Variants in SMS observed in about 807,000 individuals in gnomAD.
SMS encodes the protein spermine synthase, also known as spermidine aminopropyltransferase.
SMS carries 3 observed loss-of-function variants against 33.0 expected under a neutral mutation model. The ratio of observed to expected loss-of-function variants is 0.09; its 90% CI spans 0.04 to 0.23. The LOEUF is 0.23. Among genes scored for constraint, SMS ranks in the 10% least tolerant of loss-of-function variants. SMS has a pLI of 1.00. For missense variants in SMS, 117 were observed against 288.6 expected, an observed-to-expected ratio of 0.41 and a Z score of 4.31; for synonymous variants, 103 against 112.2, an observed-to-expected ratio of 0.92 and a Z score of 0.52.
chrX:21,954,541 T>C (rs1208008959), intron 1 of SMS, among the ~76,000 whole-genome samples: 2 of 112,049 alleles, frequency 1.8e-5, no homozygotes, highest in East Asian at 5.6e-4. Flanking sequence ...TTGACTTGTG[T>C]CCTCTGTCTT....
At chrX:21,954,917 A>AC (rs1243765324) in intron 1 of SMS, among the ~76,000 whole-genome samples, 5 of 110,414 alleles carry the variant, frequency 4.5e-5, no homozygotes, top group African/African-American at 1.7e-4. Context: ...GCTCACGGCA[A>AC]CCCCTGCCTT....
At chrX:21,957,576 G>A (rs1163416089) in intron 1 of SMS, among the ~76,000 whole-genome samples, 1 of 111,932 alleles carries the variant, frequency 8.9e-6, no homozygotes, top group Non-Finnish European at 1.9e-5. Flanking sequence ...GTGAGCCACC[G>A]TGCCCGGCCT....
intron 9 of SMS, among the ~76,000 whole-genome samples, chrX:21,986,462 G>A (rs189399556): frequency 6.5e-4 from 71 of 109,811 alleles, no homozygotes; most frequent in African/African-American, 2.3e-3. Flanking sequence ...TGGAATCTGA[G>A]ATTACTAATG....
chrX:21,955,781 C>T (rs1216633062), intron 1 of SMS, among the ~76,000 whole-genome samples: 1 of 111,926 alleles, frequency 8.9e-6, no homozygotes, highest in Non-Finnish European at 1.9e-5. Flanking sequence ...TTGCATGATT[C>T]CTTTCAGGAG....
chrX:21,956,388 A>G (rs989707804), intron 1 of SMS, among the ~76,000 whole-genome samples: 25 of 112,476 alleles, frequency 2.2e-4, no homozygotes, highest in African/African-American at 8.1e-4. Context: ...GGCTCAAGCA[A>G]TTCTCCTGCC....
intron 10 of SMS, among the ~76,000 whole-genome samples, chrX:21,993,455 G>A (rs938453250): frequency 5.3e-5 from 6 of 112,733 alleles, no homozygotes; most frequent in African/African-American, 1.9e-4. Context: ...GTCTGCAGAT[G>A]ACGGCTTCCT....
intron 1 of SMS, among the ~76,000 whole-genome samples, chrX:21,953,289 C>T (rs1279403767): frequency 9.9e-6 from 1 of 100,941 alleles, no homozygotes; most frequent in African/African-American, 3.8e-5. Flanking sequence ...TTAAGCATTT[C>T]GTGGGGGCAG....
chrX:21,967,145 C>T (rs1426059838), intron 1 of SMS, 51 bp from the exon 2 acceptor site: 1 of 1,196,356 alleles, frequency 8.4e-7, no homozygotes, highest in Admixed American at 2.2e-5. Context: ...ATTGGCCTTC[C>T]TTCTGAACGT....
At chrX:21,987,562 ATCC>A (rs1025560456) in intron 9 of SMS, among the ~76,000 whole-genome samples, 4 of 112,582 alleles carry the variant, frequency 3.6e-5, no homozygotes, top group Non-Finnish European at 5.6e-5. Context: ...GATTCGAGTA[ATCC>A]TCCTCCATCA....
At chrX:21,982,042 C>G (rs1208693589) in intron 7 of SMS, among the ~76,000 whole-genome samples, 2 of 110,427 alleles carry the variant, frequency 1.8e-5, no homozygotes, top group African/African-American at 3.3e-5. Flanking sequence ...GTAAAAAGTA[C>G]CACAAGACAG....
At chrX:21,967,454 T>C in intron 2 of SMS, 138 bp downstream of exon 2, 1 of 643,375 alleles carries the variant, frequency 1.6e-6, no homozygotes, top group South Asian at 2.4e-5. Flanking sequence ...ACTTGGTGCT[T>C]CTCAACCGTA....
chrX:21,991,391 C>T (rs1925751233), intron 9 of SMS, among the ~76,000 whole-genome samples: 1 of 110,814 alleles, frequency 9.0e-6, no homozygotes, highest in African/African-American at 3.3e-5. Context: ...GTTGGCCAGG[C>T]CGGTCTCAAA....
At chrX:21,986,347 CAAAAAAAAAAAAA>C (rs57792709) in intron 9 of SMS, among the ~76,000 whole-genome samples, 2 of 33,233 alleles carry the variant, frequency 6.0e-5, no homozygotes, top group East Asian at 1.2e-3. Context: ...GACTACATCT[CAAAAAAAAAAAAA>C]AAAAAAAAAA....
chrX:21,977,826 A>G, intron 5 of SMS, 134 bp from the exon 6 acceptor site: 2 of 653,584 alleles, frequency 3.1e-6, no homozygotes, highest in Non-Finnish European at 5.1e-6. Flanking sequence ...AAGCTTGCAA[A>G]TTGTTCACAG....
At chrX:21,940,917 C>T in intron 1 of SMS, 44 bp downstream of exon 1, 1 of 958,023 alleles carries the variant, frequency 1.0e-6, no homozygotes, top group Non-Finnish European at 1.4e-6. Flanking sequence ...CCCGCCGCTC[C>T]CGCCGCCTGG....
At chrX:21,945,912 C>T (rs761742933) in intron 1 of SMS, among the ~76,000 whole-genome samples, 2 of 111,193 alleles carry the variant, frequency 1.8e-5, no homozygotes, top group African/African-American at 3.3e-5. Context: ...TGTGAGCCAC[C>T]GCGCCCAGCT....
At chrX:21,943,136 C>G (rs905985785) in intron 1 of SMS, among the ~76,000 whole-genome samples, 5 of 111,902 alleles carry the variant, frequency 4.5e-5, no homozygotes, top group African/African-American at 1.6e-4. Context: ...CATGAGCCAC[C>G]GTGCCGGTGT....
intron 1 of SMS, among the ~76,000 whole-genome samples, chrX:21,947,925 ATATTT>A (rs1414057502): frequency 9.0e-6 from 1 of 111,594 alleles, no homozygotes; most frequent in African/African-American, 3.3e-5. Context: ...GTGTTTGAAA[ATATTT>A]TATGGGCTGC....
chrX:21,988,997 T>C (rs1281501656), intron 9 of SMS, among the ~76,000 whole-genome samples: 2 of 111,076 alleles, frequency 1.8e-5, no homozygotes, highest in Non-Finnish European at 3.8e-5. Context: ...GTTATATTTC[T>C]CTCTCCTTTC....
Sources: allele counts gnomAD v4.1 joint callset (sites outside exome capture counted in the v4.1 genomes callset), GRCh38; gene constraint gnomAD v4.1.1; transcripts MANE v1.5; gene names NCBI Gene and HGNC (gene_info 2026-07-23, HGNC 2026-07-21).